LMLN: variants seen among roughly 807,000 people sequenced by gnomAD.
The protein encoded by LMLN is leishmanolysin like peptidase.
Under a neutral mutation model 92.3 loss-of-function variants are expected in LMLN, and 70 were observed. The ratio of observed to expected loss-of-function variants is 0.76; its 90% CI spans 0.63 to 0.92. The LOEUF (loss-of-function observed/expected upper bound fraction) is 0.92. Among genes scored for constraint, LMLN ranks in the 40% least tolerant of loss-of-function variants. The pLI is 0.00. For missense variants in LMLN, 691 were observed against 814.6 expected, an observed-to-expected ratio of 0.85 and a Z score of 1.85; for synonymous variants, 308 against 296.2, an observed-to-expected ratio of 1.04 and a Z score of -0.41.
chr3:198,024,043 A>T (rs2109940575), intron 13 of LMLN, among the ~76,000 whole-genome samples: 1 of 152,168 alleles, frequency 6.6e-6, no homozygotes, highest in South Asian at 2.1e-4. Context: ...AGTGAAGATG[A>T]TTTTATCTTG....
chr3:198,018,204 G>A (rs1432909301), intron 11 of LMLN, among the ~76,000 whole-genome samples: 1 of 152,180 alleles, frequency 6.6e-6, no homozygotes, highest in Non-Finnish European at 1.5e-5. Flanking sequence ...AAACAGAAAT[G>A]ACTTTCATGG....
chr3:198,011,170 C>T (rs553681504), intron 11 of LMLN, among the ~76,000 whole-genome samples: 8 of 152,180 alleles, frequency 5.3e-5, no homozygotes, highest in East Asian at 3.9e-4. Context: ...ATGTGCACAA[C>T]GTGCAGGTTT....
At chr3:197,996,181 G>A (rs758032982) in exon 10 of LMLN, 82 of 1,554,160 alleles carry the variant, frequency 5.3e-5, no homozygotes, top group Non-Finnish European at 6.8e-5. Context: ...TTAGGAGGAA[G>A]CACGAAAACA....
At chr3:197,984,192 A>C in intron 7 of LMLN, 144 bp downstream of exon 7, 1 of 426,700 alleles carries the variant, frequency 2.3e-6, no homozygotes, top group Non-Finnish European at 4.2e-6. Context: ...CTTAAAGTAT[A>C]ATAATAATAA....
chr3:197,990,576 G>T, exon 9 of LMLN: 1 of 1,510,042 alleles, frequency 6.6e-7, no homozygotes, highest in Non-Finnish European at 9.2e-7. Flanking sequence ...TTATATCAAT[G>T]GAGTGATAAA....
intron 8 of LMLN, among the ~76,000 whole-genome samples, chr3:197,986,306 C>A (rs1459889043): frequency 6.6e-6 from 1 of 152,106 alleles, no homozygotes; most frequent in South Asian, 2.1e-4. Flanking sequence ...CAAAAAAATA[C>A]AAAAATTAGC....
intron 9 of LMLN, among the ~76,000 whole-genome samples, chr3:197,995,426 A>G (rs763865895): frequency 1.1e-4 from 17 of 152,290 alleles, no homozygotes; most frequent in Admixed American, 1.0e-3. Flanking sequence ...AAAGGCGGGA[A>G]ATTTTGTCAT....
chr3:198,035,128 A>G (rs750787398), intron 14 of LMLN, among the ~76,000 whole-genome samples: 1 of 149,974 alleles, frequency 6.7e-6, no homozygotes. Context: ...TCTGAGCCCA[A>G]GGTACTCAAA....
intron 7 of LMLN, among the ~76,000 whole-genome samples, chr3:197,985,378 C>T (rs979536927): frequency 3.2e-4 from 45 of 140,584 alleles, no homozygotes; most frequent in African/African-American, 1.2e-3. Flanking sequence ...CTTTCAAAAC[C>T]ATTTCATAAT....
At chr3:197,974,499 C>G (rs773421926) in intron 2 of LMLN, 25 bp downstream of exon 2, 5 of 1,129,412 alleles carry the variant, frequency 4.4e-6, no homozygotes, top group Non-Finnish European at 6.3e-6. Flanking sequence ...GTATTGTCAT[C>G]TTTTTCATTA....
chr3:198,024,823 T>G, intron 14 of LMLN, 35 bp downstream of exon 15: 1 of 1,535,202 alleles, frequency 6.5e-7, no homozygotes, highest in East Asian at 2.3e-5. Context: ...GTGCCAAATA[T>G]TATGTGATTT....
At chr3:197,991,393 A>AC (rs143208758) in intron 9 of LMLN, among the ~76,000 whole-genome samples, 5,794 of 152,150 alleles carry the variant, frequency 0.038, 174 homozygotes, top group East Asian at 0.096. Context: ...GACATGAGTC[A>AC]CCACACTTGG....
rs1723420771 is a variant in LMLN, at chr3:198,042,047, A to G, written c.*3380A>G. ...GTCGCCCAGTGTTTTCTCTGGACAA[A>G]TGTGAAACTGGATAAAGTATGGATA... On this transcript the variant is annotated 3_prime_UTR_variant, in exon 16 of 16. Coordinates refer to ENST00000330198, the Ensembl canonical transcript of LMLN. The surrounding 1 kb of genome is among the most constrained non-coding windows in gnomAD (Gnocchi z 4.2). 1 of 152,174 alleles carries G rather than the reference A, an allele frequency of 6.6e-6. No homozygotes were observed. Among genetic ancestry groups the G allele is most frequent in the South Asian group, 2.1e-4 (1 of 4,824 alleles). The allele number at this position is 152,174 out of a possible 1,614,324, so 9.4% of individuals were successfully genotyped here.
chr3:197,961,620 C>T (rs1007001243), intron 1 of LMLN, among the ~76,000 whole-genome samples: 14 of 152,170 alleles, frequency 9.2e-5, no homozygotes, highest in Non-Finnish European at 1.8e-4. Flanking sequence ...GCTAGTTCCT[C>T]ATAGAGTATA....
At chr3:197,989,822 G>A (rs776373600) in intron 8 of LMLN, among the ~76,000 whole-genome samples, 1 of 152,050 alleles carries the variant, frequency 6.6e-6, no homozygotes, top group South Asian at 2.1e-4. Flanking sequence ...AGGAATTCGA[G>A]GCCAGTTTTG....
chr3:197,976,015 TA>T lies in LMLN; in HGVS notation c.349-12del, dbSNP rs1553816423. 1 of 1,470,816 alleles carries T rather than the reference TA, an allele frequency of 6.8e-7. No individual in the cohort carries two copies. The highest frequency in any genetic ancestry group is 9.3e-7 in the Non-Finnish European group (1 of 1,069,676). The allele number at this position is 1,470,816 out of a possible 1,614,324, so 91.1% of individuals were successfully genotyped here. The stretch of plus-strand genomic sequence containing the variant: ...TTATAATTCTGTTTCTTTTTTTTTT[TA>T]ACTTTTATTTAGAACAAGCTTTTCC... On this transcript the variant is annotated splice_polypyrimidine_tract_variant and intron_variant, in intron 3 of 15. Transcript: ENST00000330198.
chr3:197,990,825 G>A (rs1487044275), intron 9 of LMLN, 149 bp downstream of exon 9: 1 of 515,916 alleles, frequency 1.9e-6, no homozygotes, highest in Non-Finnish European at 3.5e-6. Context: ...GAAGCTACGG[G>A]CCACGAGAAA....
At chr3:197,966,496 A>G (rs544404715) in intron 1 of LMLN, among the ~76,000 whole-genome samples, 5 of 151,714 alleles carry the variant, frequency 3.3e-5, no homozygotes, top group South Asian at 2.1e-4. Context: ...TTGGGTAGGT[A>G]TGCTTTATAA....
At chr3:197,963,104 C>T (rs1720950614) in intron 1 of LMLN, among the ~76,000 whole-genome samples, 1 of 152,076 alleles carries the variant, frequency 6.6e-6, no homozygotes, top group Admixed American at 6.5e-5. Context: ...AATCCATGAA[C>T]ATAATGTATG....
Sources: allele counts gnomAD v4.1 joint callset (sites outside exome capture counted in the v4.1 genomes callset), GRCh38; gene constraint gnomAD v4.1.1; non-coding constraint Gnocchi (gnomAD v3.1); transcripts MANE v1.5; gene names NCBI Gene and HGNC (gene_info 2026-07-23, HGNC 2026-07-21).